The following CAMK1G variants were observed in gnomAD, a reference collection of about 807,000 sequenced individuals.
The protein encoded by CAMK1G is calcium/calmodulin dependent protein kinase IG.
In CAMK1G, 27 loss-of-function variants were observed where a neutral mutation model predicts 54.8. The ratio of observed to expected loss-of-function variants is 0.49; its 90% confidence interval spans 0.36 to 0.68. The LOEUF (loss-of-function observed/expected upper bound fraction) is 0.68, where lower values mean the gene tolerates loss of function less well. Among genes scored for constraint, CAMK1G ranks in the 30% least tolerant of loss-of-function variants. CAMK1G has a pLI of 0.00. For missense variants in CAMK1G, 512 were observed against 591.0 expected (o/e 0.87, Z 1.39); for synonymous variants, 238 against 224.9 (o/e 1.06, Z -0.52).
intron 1 of CAMK1G, among the ~76,000 whole-genome samples, chr1:209,585,896 G>A (rs946893465): frequency 1.3e-5 from 2 of 152,268 alleles, no homozygotes; most frequent in African/African-American, 4.8e-5. Flanking sequence ...CGTGCCTGGC[G>A]CTACAACTGC....
At position 209,605,542 on chromosome 1, in the gene CAMK1G, T is replaced by A. The variant is rs1665628035; in HGVS notation, c.303T>A (p.Ser101=). Reference sequence around the variant, plus strand: ...CTTGATCCTATGCCCACAGTGTTTCTGGTGGGGAGCTCTTTGACCGGATCC... The same window carrying A: ...CTTGATCCTATGCCCACAGTGTTTCAGGTGGGGAGCTCTTTGACCGGATCC... The part of the protein sequence containing the change: ...THYYLVMQLV[S]GGELFDRILE... The change falls in exon 5 of 13, where the codon TCT becomes TCA. Residue 101 remains serine, a synonymous_variant. Coordinates refer to ENST00000361322, the MANE Select transcript of CAMK1G (RefSeq NM_020439.3). 2.4e-5 allele frequency: 38 copies of A among 1,613,774 alleles called. No individual in the cohort carries two copies. The highest frequency in any genetic ancestry group is 3.0e-5 in the Non-Finnish European group (35 of 1,179,862).
chr1:209,606,016 C>T (rs950566333), intron 5 of CAMK1G, among the ~76,000 whole-genome samples: 2 of 152,174 alleles, frequency 1.3e-5, no homozygotes, highest in Non-Finnish European at 2.9e-5. Context: ...AGAGATCAGA[C>T]ACCATTAACC....
In CAMK1G at chr1:209,613,118, G is replaced by A. The variant is rs1159928057; in HGVS notation, c.*116G>A. 4.8e-6 allele frequency: 2 copies of A among 418,064 alleles called. No homozygotes were observed. The highest frequency in any genetic ancestry group is 8.9e-6 in the Non-Finnish European group (2 of 224,722). 25.9% of individuals were successfully genotyped at this position (418,064 alleles called of 1,614,324 possible). A position where few individuals can be genotyped will look rare whatever the true frequency, so the allele number is the denominator to read the frequency against. Reference sequence around the variant, plus strand: ...GAGGAAGGCAGAGCAAGTGGAGCAGGGCTTAGCAGGAGCAGTTTCTGGCCA... The same window carrying A: ...GAGGAAGGCAGAGCAAGTGGAGCAGAGCTTAGCAGGAGCAGTTTCTGGCCA... On this transcript the variant is annotated 3_prime_UTR_variant, in exon 13 of 13. Coordinates refer to ENST00000361322, the MANE Select transcript of CAMK1G (RefSeq NM_020439.3).
At chr1:209,590,450 C>T (rs563476858) in intron 1 of CAMK1G, among the ~76,000 whole-genome samples, 1 of 152,292 alleles carries the variant, frequency 6.6e-6, no homozygotes, top group African/African-American at 2.4e-5. Context: ...GGTTAGGATT[C>T]AGTGTATGGG....
At chr1:209,603,020 C>T (rs896000056) in intron 3 of CAMK1G, among the ~76,000 whole-genome samples, 194 bp from the exon 4 acceptor site, 1 of 152,142 alleles carries the variant, frequency 6.6e-6, no homozygotes, top group Non-Finnish European at 1.5e-5. Context: ...AAACACGGAC[C>T]GAGCACCTCC....
chr1:209,597,452 T>C (rs577597685), intron 2 of CAMK1G, among the ~76,000 whole-genome samples: 2 of 152,372 alleles, frequency 1.3e-5, no homozygotes, highest in Non-Finnish European at 2.9e-5. Context: ...ATCAGTTCAA[T>C]AAACATTCAT....
chr1:209,603,116 A>G (rs1282869410), intron 3 of CAMK1G, 98 bp from the exon 4 acceptor site: 1 of 1,110,412 alleles, frequency 9.0e-7, no homozygotes, highest in Non-Finnish European at 1.3e-6. Flanking sequence ...AAACATTGCC[A>G]TCAAAAGCCT....
intron 11 of CAMK1G, 89 bp from the exon 12 acceptor site, chr1:209,612,696 C>G (rs1665812065): frequency 9.5e-7 from 1 of 1,054,530 alleles, no homozygotes; most frequent in East Asian, 2.4e-5. Context: ...GTGGATGCCA[C>G]AGGCACAGAG....
intron 1 of CAMK1G, among the ~76,000 whole-genome samples, chr1:209,588,697 C>A (rs1398769466): frequency 2.0e-5 from 3 of 152,296 alleles, no homozygotes; most frequent in Non-Finnish European, 2.9e-5. Context: ...CCACTGCAGA[C>A]AAAGCTTATC....
At chr1:209,610,305 A>G (rs1665751216) in intron 9 of CAMK1G, among the ~76,000 whole-genome samples, 1 of 152,232 alleles carries the variant, frequency 6.6e-6, no homozygotes, top group Non-Finnish European at 1.5e-5. Context: ...TTCCAGGTGA[A>G]GTGATTTAAG....
chr1:209,610,058 C>A (rs1403213619), intron 9 of CAMK1G, 129 bp downstream of exon 9: 1 of 771,906 alleles, frequency 1.3e-6, no homozygotes, highest in African/African-American at 1.7e-5. Context: ...AAGCAAGGAC[C>A]ATGCCATTGT....
At chr1:209,601,847 A>G (rs1241778055) in intron 3 of CAMK1G, among the ~76,000 whole-genome samples, 1 of 152,226 alleles carries the variant, frequency 6.6e-6, no homozygotes, top group Non-Finnish European at 1.5e-5. Flanking sequence ...ATACAATTCT[A>G]TAAGAGACAC....
At chr1:209,600,314 A>G (rs981837056) in intron 3 of CAMK1G, among the ~76,000 whole-genome samples, 7 of 149,952 alleles carry the variant, frequency 4.7e-5, no homozygotes, top group African/African-American at 1.5e-4. Flanking sequence ...CAACAAATTG[A>G]TGAGCAAATC....
intron 7 of CAMK1G, among the ~76,000 whole-genome samples, chr1:209,608,273 A>G (rs547608285): frequency 6.6e-6 from 1 of 152,314 alleles, no homozygotes; most frequent in Middle Eastern, 3.4e-3. Flanking sequence ...AGTGAAAAAG[A>G]GAGAGGCCAA....
At chr1:209,604,028 A>C (rs1665588519) in intron 4 of CAMK1G, among the ~76,000 whole-genome samples, 1 of 151,830 alleles carries the variant, frequency 6.6e-6, no homozygotes, top group Non-Finnish European at 1.5e-5. Flanking sequence ...TATAAAGTAC[A>C]CACACACACA....
At chr1:209,603,620 C>T (rs1366170202) in intron 4 of CAMK1G, among the ~76,000 whole-genome samples, 1 of 152,178 alleles carries the variant, frequency 6.6e-6, no homozygotes, top group Non-Finnish European at 1.5e-5. Context: ...CCCTCCTCGC[C>T]CCTTGCAACC....
rs115610308 is a variant in CAMK1G at position 209,598,420 on chromosome 1, C to T, written c.93-1563C>T. ...TCCCATCTGCTACCTCCAGCTGCCA[C>T]TCCAGTGTGCCATCCTGAGTCACAT... On this transcript the variant is annotated intron_variant, in intron 2 of 12. Transcript: ENST00000361322. Among the ~76,000 whole-genome samples the T allele has an allele frequency of 3.2e-3, 483 of 152,344 alleles. 4 individuals carry two copies. Among genetic ancestry groups the T allele is most frequent in the African/African-American group, 0.011 (445 of 41,588 alleles).
At chr1:209,603,315 C>G in intron 4 of CAMK1G, 27 bp downstream of exon 4, 1 of 1,593,490 alleles carries the variant, frequency 6.3e-7, no homozygotes, top group East Asian at 2.2e-5. Context: ...TTGCTTCCTT[C>G]ACAGAGGCCT....
intron 4 of CAMK1G, among the ~76,000 whole-genome samples, chr1:209,604,006 G>A (rs1665587588): frequency 6.6e-6 from 1 of 152,112 alleles, no homozygotes. Flanking sequence ...TGGGCTCAAA[G>A]ACACTTCTGT....
Sources: allele counts gnomAD v4.1 joint callset (sites outside exome capture counted in the v4.1 genomes callset), GRCh38; gene constraint gnomAD v4.1.1; transcripts MANE v1.5; gene names NCBI Gene and HGNC (gene_info 2026-07-23, HGNC 2026-07-21).